The following HYCC2 variants were observed in gnomAD, a reference collection of about 807,000 sequenced individuals.
HYCC2 encodes hyccin PI4KA lipid kinase complex subunit 2.
At chr2:200,996,826 A>T in the HYCC2 span, 1 of 151,960 alleles carries the variant, frequency 6.6e-6, no homozygotes, top group African/African-American at 2.4e-5. Context: ...ATATAGCACT[A>T]TTTTTTTTCA....
At chr2:200,997,298 G>T in the HYCC2 span, 1 of 562,164 alleles carries the variant, frequency 1.8e-6, no homozygotes, top group Non-Finnish European at 3.2e-6. Context: ...AGCCTCATGA[G>T]GATAAGGACT....
chr2:200,992,960 T>C, the HYCC2 span: 4 of 1,613,866 alleles, frequency 2.5e-6, no homozygotes, highest in African/African-American at 4.0e-5. Flanking sequence ...CAGAGTTCTT[T>C]CCAGTGTTTT....
At chr2:201,061,528 C>T in the HYCC2 span, 2 of 151,918 alleles carry the variant, frequency 1.3e-5, no homozygotes, top group Non-Finnish European at 2.9e-5. Flanking sequence ...TCAATTAAGG[C>T]TGATTTTCCT....
At chr2:201,068,588 T>C in the HYCC2 span, among the ~76,000 whole-genome samples, 1 of 152,222 alleles carries the variant, frequency 6.6e-6, no homozygotes, top group Non-Finnish European at 1.5e-5. Flanking sequence ...ATAAGTGATA[T>C]GTGTATGCCT....
the HYCC2 span, among the ~76,000 whole-genome samples, chr2:200,993,688 A>T: frequency 6.6e-6 from 1 of 152,132 alleles, no homozygotes; most frequent in African/African-American, 2.4e-5. Context: ...CAATTTAAAA[A>T]TAGCATTATA....
the HYCC2 span, among the ~76,000 whole-genome samples, chr2:201,020,182 G>A: frequency 6.6e-6 from 1 of 152,064 alleles, no homozygotes; most frequent in African/African-American, 2.4e-5. Flanking sequence ...AAATGATTCT[G>A]ACCTCCCTTA....
At chr2:201,070,742 A>C in the HYCC2 span, among the ~76,000 whole-genome samples, 15 of 152,042 alleles carry the variant, frequency 9.9e-5, 1 homozygote, top group African/African-American at 3.6e-4. Context: ...TGGGGGGAGG[A>C]AGGGATCTAC....
the HYCC2 span, among the ~76,000 whole-genome samples, chr2:200,998,570 TC>T: frequency 6.6e-6 from 1 of 152,230 alleles, no homozygotes; most frequent in African/African-American, 2.4e-5. Context: ...ATCATTGGTG[TC>T]CAGCACGGTG....
the HYCC2 span, chr2:200,992,827 A>C: frequency 9.8e-7 from 1 of 1,016,358 alleles, no homozygotes; most frequent in African/African-American, 1.6e-5. Context: ...AGAAAGAGAA[A>C]TATTCAAAGT....
At chr2:201,011,507 A>T in the HYCC2 span, 13 of 1,056,912 alleles carry the variant, frequency 1.2e-5, no homozygotes, top group Non-Finnish European at 1.6e-5. Flanking sequence ...TAATGAAATA[A>T]TCACAGATCT....
the HYCC2 span, among the ~76,000 whole-genome samples, chr2:201,035,792 C>T: frequency 6.6e-6 from 1 of 152,040 alleles, no homozygotes; most frequent in South Asian, 2.1e-4. Flanking sequence ...TGTGGATGTC[C>T]TTTCTGTTAG....
At chr2:201,020,300 A>G in the HYCC2 span, among the ~76,000 whole-genome samples, 1 of 152,284 alleles carries the variant, frequency 6.6e-6, no homozygotes, top group African/African-American at 2.4e-5. Flanking sequence ...TTTTGACATG[A>G]TAATTACTAA....
At chr2:201,008,141 A>C in the HYCC2 span, among the ~76,000 whole-genome samples, 1 of 152,202 alleles carries the variant, frequency 6.6e-6, no homozygotes, top group East Asian at 1.9e-4. Flanking sequence ...CAAAACTTTC[A>C]ATTAGTCAGA....
the HYCC2 span, among the ~76,000 whole-genome samples, chr2:201,055,396 A>AAC: frequency 2.6e-5 from 4 of 151,876 alleles, no homozygotes; most frequent in Non-Finnish European, 5.9e-5. Context: ...AAAAAAAAAA[A>AAC]AAACAAACAC....
chr2:200,982,137 G>T, the HYCC2 span, among the ~76,000 whole-genome samples: 1 of 150,120 alleles, frequency 6.7e-6, no homozygotes. Flanking sequence ...ATTTAGGCAT[G>T]TAAAACGACT....
At chr2:201,012,350 A>G in the HYCC2 span, among the ~76,000 whole-genome samples, 1 of 152,100 alleles carries the variant, frequency 6.6e-6, no homozygotes. Context: ...AGTCCCAGCT[A>G]CTCAGGAGGC....
chr2:201,030,707 T>C, the HYCC2 span, among the ~76,000 whole-genome samples: 2 of 151,980 alleles, frequency 1.3e-5, no homozygotes, highest in Admixed American at 1.3e-4. Context: ...GCCTCCCAAG[T>C]AGCTGGGATT....
chr2:201,068,316 C>T, the HYCC2 span, among the ~76,000 whole-genome samples: 1 of 151,986 alleles, frequency 6.6e-6, no homozygotes, highest in Non-Finnish European at 1.5e-5. Flanking sequence ...GCTATCCTAG[C>T]TATGACATGA....
chr2:200,981,527 T>A, the HYCC2 span: 1 of 1,614,240 alleles, frequency 6.2e-7, no homozygotes. This position sits in a 1 kb window ranked among gnomAD's most constrained non-coding sequence, Gnocchi z 4.5. Flanking sequence ...GCTGTCCGGA[T>A]TAGACTTAAG....
Sources: gnomAD v4.1 joint callset for allele counts (sites outside exome capture counted in the v4.1 genomes callset) on GRCh38, gnomAD v4.1.1 for gene constraint, Gnocchi (gnomAD v3.1) non-coding constraint, MANE v1.5 for transcripts, NCBI Gene and HGNC (gene_info 2026-07-23, HGNC 2026-07-21) for gene names.